XKR9: variants seen among roughly 807,000 people sequenced by gnomAD.
The protein encoded by XKR9 is XK related 9, also known as XK-related protein 9.
A neutral mutation model predicts 32.0 loss-of-function variants in XKR9; 32 were observed. The observed-to-expected ratio is 1.00, with a 90% CI of 0.76 to 1.34. The LOEUF (loss-of-function observed/expected upper bound fraction) is 1.34, where lower values mean the gene tolerates loss of function less well. Ranked by LOEUF, XKR9 falls within the 40% of genes most tolerant of loss-of-function variation. The probability of loss-of-function intolerance (pLI) is 0.00; values close to 1 mark genes in which losing one functional copy is unlikely to be tolerated. For missense variants in XKR9, 546 were observed against 429.7 expected (o/e 1.27, Z -2.39); for synonymous variants, 168 against 143.4 (o/e 1.17, Z -1.22).
chr8:70,848,649 T>C, the XKR9 span, among the ~76,000 whole-genome samples: 2 of 151,422 alleles, frequency 1.3e-5, no homozygotes, highest in Non-Finnish European at 2.9e-5. Flanking sequence ...GACTGGCAAA[T>C]TGGATAGTCA....
At chr8:70,863,633 T>A in the XKR9 span, among the ~76,000 whole-genome samples, 1 of 152,164 alleles carries the variant, frequency 6.6e-6, no homozygotes, top group Non-Finnish European at 1.5e-5. Context: ...AAAATCACTT[T>A]CAATGTAAAT....
chr8:70,981,758 G>A, the XKR9 span, among the ~76,000 whole-genome samples: 22 of 152,168 alleles, frequency 1.4e-4, no homozygotes, highest in Admixed American at 4.6e-4. Flanking sequence ...GTTCCTTCTC[G>A]TTTGTGTAGA....
chr8:70,922,793 G>T, the XKR9 span, among the ~76,000 whole-genome samples: 1 of 152,166 alleles, frequency 6.6e-6, no homozygotes, highest in Non-Finnish European at 1.5e-5. Context: ...TGGTTCTGTG[G>T]CAAGAAAATG....
chr8:70,899,160 G>T, the XKR9 span, among the ~76,000 whole-genome samples: 2 of 151,972 alleles, frequency 1.3e-5, no homozygotes, highest in Non-Finnish European at 2.9e-5. Flanking sequence ...TGGCTTCCAA[G>T]ATTAAAAAAA....
chr8:70,738,175 A>C (rs1806898152), downstream of XKR9, among the ~76,000 whole-genome samples: 1 of 134,832 alleles, frequency 7.4e-6, no homozygotes, highest in Non-Finnish European at 1.7e-5. Flanking sequence ...CAGAGATTCA[A>C]CTTCTTCCTG....
At chr8:70,775,731 A>G (rs905585960) in intron 2 of XKR9, among the ~76,000 whole-genome samples, 1 of 147,538 alleles carries the variant, frequency 6.8e-6, no homozygotes, top group Non-Finnish European at 1.5e-5. Context: ...CTCTGCGTAC[A>G]TGGGGAATAT....
At chr8:70,857,232 C>T in the XKR9 span, among the ~76,000 whole-genome samples, 2 of 151,832 alleles carry the variant, frequency 1.3e-5, no homozygotes, top group Admixed American at 6.6e-5. Flanking sequence ...ACTAGCAAGA[C>T]TAATAAAGAA....
At chr8:71,003,058 G>A in the XKR9 span, among the ~76,000 whole-genome samples, 1 of 152,218 alleles carries the variant, frequency 6.6e-6, no homozygotes, top group Non-Finnish European at 1.5e-5. Context: ...AAGCTAATGA[G>A]TACATCACAC....
chr8:70,681,433 T>C (rs1819080857), intron 3 of XKR9, 103 bp downstream of exon 3: 1 of 1,072,304 alleles, frequency 9.3e-7, no homozygotes, highest in Non-Finnish European at 1.3e-6. Context: ...GATCCCTTAT[T>C]TGCATGAAGC....
At chr8:70,867,820 C>T in the XKR9 span, among the ~76,000 whole-genome samples, 2 of 152,314 alleles carry the variant, frequency 1.3e-5, no homozygotes, top group African/African-American at 4.8e-5. Flanking sequence ...TCATCTGAGA[C>T]AAGGCAAGTC....
chr8:71,027,988 G>T, the XKR9 span, among the ~76,000 whole-genome samples: 1 of 152,092 alleles, frequency 6.6e-6, no homozygotes, highest in African/African-American at 2.4e-5. Context: ...TGCCCAGGCT[G>T]GTGTCAAACT....
chr8:70,863,868 C>A, the XKR9 span, among the ~76,000 whole-genome samples: 1 of 152,136 alleles, frequency 6.6e-6, no homozygotes, highest in African/African-American at 2.4e-5. Context: ...GGTAGCTTGG[C>A]TGAAAGGTAA....
the XKR9 span, among the ~76,000 whole-genome samples, chr8:70,995,169 C>T: frequency 9.2e-5 from 14 of 152,048 alleles, no homozygotes; most frequent in Admixed American, 2.6e-4. Flanking sequence ...AATGAAGAAA[C>T]GATAAGTGGC....
intron 1 of XKR9, among the ~76,000 whole-genome samples, chr8:70,674,568 A>G (rs1238265326): frequency 6.6e-6 from 1 of 152,260 alleles, no homozygotes; most frequent in Non-Finnish European, 1.5e-5. Context: ...ATATGTTGTG[A>G]GACAAATTGT....
At chr8:70,704,053 G>T (rs1260888849) in intron 3 of XKR9, among the ~76,000 whole-genome samples, 1 of 152,132 alleles carries the variant, frequency 6.6e-6, no homozygotes, top group African/African-American at 2.4e-5. Context: ...ATGGTGGCGG[G>T]CACCTGTAGT....
chr8:70,844,349 T>C, the XKR9 span, among the ~76,000 whole-genome samples: 1 of 152,148 alleles, frequency 6.6e-6, no homozygotes, highest in Non-Finnish European at 1.5e-5. Flanking sequence ...TTGATGCCAC[T>C]ACTGCCACCG....
chr8:71,028,549 C>T, the XKR9 span, among the ~76,000 whole-genome samples: 1 of 152,144 alleles, frequency 6.6e-6, no homozygotes, highest in Non-Finnish European at 1.5e-5. Context: ...ACAGGCGGAA[C>T]AGCTTTTGAG....
At chr8:70,683,438 C>G (rs1819151975) in intron 3 of XKR9, 7 of 419,212 alleles carry the variant, frequency 1.7e-5, no homozygotes, top group Admixed American at 8.7e-5. Flanking sequence ...TATTTATACT[C>G]TCTTTATTTT....
chr8:70,874,996 C>T, the XKR9 span, among the ~76,000 whole-genome samples: 2 of 152,046 alleles, frequency 1.3e-5, no homozygotes, highest in South Asian at 4.2e-4. Context: ...TCAGTCTTAC[C>T]CAAACCATAT....
Sources: gnomAD v4.1 joint callset for allele counts (sites outside exome capture counted in the v4.1 genomes callset) on GRCh38, gnomAD v4.1.1 for gene constraint, MANE v1.5 for transcripts, NCBI Gene and HGNC (gene_info 2026-07-23, HGNC 2026-07-21) for gene names.